ADGRG5: variants seen among roughly 807,000 people sequenced by gnomAD.
ADGRG5 encodes adhesion G protein-coupled receptor G5, also known as G protein-coupled receptor 114.
A neutral mutation model predicts 53.2 loss-of-function variants in ADGRG5; 37 were observed. That is an observed-to-expected ratio of 0.70 (90% confidence interval 0.53 to 0.91). The LOEUF is 0.91. ADGRG5 is among the 40% of genes least tolerant of loss of function. The pLI, the probability that ADGRG5 is intolerant of heterozygous loss-of-function variation, is 0.00. For synonymous variants in ADGRG5, 277 were observed against 290.4 expected (o/e 0.95, Z 0.47); for missense variants, 614 against 675.8 (o/e 0.91, Z 1.01).
At chr16:57,540,433 T>C (rs540782289), upstream of ADGRG5, among the ~76,000 whole-genome samples, 6 of 152,248 alleles carry the variant, frequency 3.9e-5, no homozygotes, top group Admixed American at 6.5e-5. Flanking sequence ...GTAGCCCCCA[T>C]ATAGGGAGAC....
At chr16:57,563,025 A>C in intron 3 of ADGRG5, 66 bp from the exon 4 acceptor site, 2 of 1,568,910 alleles carry the variant, frequency 1.3e-6, no homozygotes, top group Non-Finnish European at 1.7e-6. Context: ...CAGGCTGTCT[A>C]CAGCCCCCTC....
chr16:57,575,789 C>G lies in ADGRG5; in HGVS notation c.*251C>G. 2.1e-6 allele frequency: 1 copy of G among 484,330 alleles called. No homozygotes were observed. Among genetic ancestry groups the G allele is most frequent in the Non-Finnish European group, 3.8e-6 (1 of 264,624 alleles). The allele number at this position is 484,330 out of a possible 1,614,324, so 30.0% of individuals were successfully genotyped here. ...GCAAACTTTGTCCTGGTACCTGGGC[C>G]CAGCTCGCCAGGGATGTGGGCAGAG... On this transcript the variant is annotated 3_prime_UTR_variant, in exon 12 of 12. Coordinates refer to ENST00000349457, the MANE Select transcript of ADGRG5 (RefSeq NM_001304376.3).
intron 10 of ADGRG5, among the ~76,000 whole-genome samples, chr16:57,572,729 T>C (rs1489409600): frequency 1.3e-5 from 2 of 152,204 alleles, no homozygotes; most frequent in African/African-American, 4.8e-5. Context: ...TTGAAAATCA[T>C]TCAGATGTCC....
At chr16:57,552,126 A>G (rs2032771318) in intron 1 of ADGRG5, among the ~76,000 whole-genome samples, 3 of 151,822 alleles carry the variant, frequency 2.0e-5, no homozygotes, top group African/African-American at 7.3e-5. Flanking sequence ...TTGTTATTCC[A>G]TTTGTAGAGC....
At chr16:57,531,282 A>T in the ADGRG5 span, among the ~76,000 whole-genome samples, 1 of 148,344 alleles carries the variant, frequency 6.7e-6, no homozygotes, top group Non-Finnish European at 1.5e-5. Context: ...GCACTTCCTC[A>T]CTCCTTCCAG....
intron 10 of ADGRG5, among the ~76,000 whole-genome samples, chr16:57,573,417 A>G (rs996549817): frequency 7.1e-6 from 1 of 140,630 alleles, no homozygotes; most frequent in Non-Finnish European, 1.5e-5. Context: ...CTGGTGACAG[A>G]GACTCCCTCT....
rs757724329 is a variant in ADGRG5, at chr16:57,563,264, TG to T, written c.297+23del. The stretch of plus-strand genomic sequence containing the variant: ...GTGCCCCAGGTCAGAGGCTGCGGGT[TG>T]GGGGGTGTGGCCAGCTGCCCCGCCC... On this transcript the variant is annotated intron_variant, in intron 4 of 11. Coordinates refer to ENST00000349457, the MANE Select transcript of ADGRG5 (RefSeq NM_001304376.3). 69 of 1,611,428 alleles carry T rather than the reference TG, an allele frequency of 4.3e-5. No individual in the cohort carries two copies. Among genetic ancestry groups the T allele is most frequent in the Non-Finnish European group, 5.3e-5 (62 of 1,179,048 alleles).
intron 9 of ADGRG5, among the ~76,000 whole-genome samples, chr16:57,569,214 T>C (rs374509845): frequency 7.8e-3 from 374 of 47,674 alleles, no homozygotes; most frequent in Middle Eastern, 0.023. Context: ...CCTCCTCCAC[T>C]TCCTTCACCA....
the ADGRG5 span, among the ~76,000 whole-genome samples, chr16:57,536,793 A>C: frequency 6.6e-5 from 10 of 151,900 alleles, no homozygotes; most frequent in Non-Finnish European, 1.3e-4. Flanking sequence ...CCGTACCCCA[A>C]CGGAGGCCCC....
chr16:57,575,729 T>C lies in ADGRG5; in HGVS notation c.*191T>C. 1.7e-6 allele frequency: 1 copy of C among 572,044 alleles called. No individual in the cohort carries two copies. The allele number at this position is 572,044 out of a possible 1,614,324, so 35.4% of individuals were successfully genotyped here. On this transcript the variant is annotated 3_prime_UTR_variant, in exon 12 of 12. Coordinates refer to ENST00000349457, the MANE Select transcript of ADGRG5 (RefSeq NM_001304376.3). ...GCATTGCTCTACCTCTCCCTGACAT[T>C]TTGCTCCGGGGCAGATCCAACCTTA...
intron 9 of ADGRG5, among the ~76,000 whole-genome samples, 156 bp from the exon 10 acceptor site, chr16:57,570,262 C>T (rs1439713020): frequency 2.0e-5 from 3 of 152,200 alleles, no homozygotes; most frequent in Non-Finnish European, 4.4e-5. Context: ...TCCTCCAAAC[C>T]ACCAGGCTCA....
At chr16:57,546,509 AT>A (rs1386164339) in intron 1 of ADGRG5, among the ~76,000 whole-genome samples, 1 of 152,212 alleles carries the variant, frequency 6.6e-6, no homozygotes, top group Non-Finnish European at 1.5e-5. Context: ...GCTCTTGTCT[AT>A]TGTACATATA....
intron 9 of ADGRG5, among the ~76,000 whole-genome samples, chr16:57,568,685 CCACCTCCAT>C (rs1275217287): frequency 2.0e-5 from 3 of 151,234 alleles, no homozygotes; most frequent in Non-Finnish European, 4.4e-5. Context: ...ACCACCTCCT[CCACCTCCAT>C]CACCTCCATC....
chr16:57,565,604 C>T (rs71387174), intron 6 of ADGRG5: 1 of 208,214 alleles, frequency 4.8e-6, no homozygotes, highest in Non-Finnish European at 9.5e-6. Context: ...CACCCACAAC[C>T]TGCCCCAGTG....
chr16:57,540,740 T>G (rs2032477303), upstream of ADGRG5, among the ~76,000 whole-genome samples: 1 of 152,090 alleles, frequency 6.6e-6, no homozygotes, highest in African/African-American at 2.4e-5. Flanking sequence ...GCAATGGAAG[T>G]TGGACGGGGT....
the ADGRG5 span, among the ~76,000 whole-genome samples, chr16:57,531,870 A>G: frequency 1.4e-4 from 21 of 151,478 alleles, no homozygotes; most frequent in Admixed American, 9.8e-4. Flanking sequence ...ACCTTCAACT[A>G]TGGAGCCAGG....
upstream of ADGRG5, among the ~76,000 whole-genome samples, chr16:57,537,858 G>T (rs116735774): frequency 2.0e-5 from 3 of 152,168 alleles, no homozygotes; most frequent in Admixed American, 6.5e-5. Flanking sequence ...ACCAGCCAGA[G>T]ATAGATAGGA....
chr16:57,557,201 C>T (rs2146781651), intron 1 of ADGRG5, among the ~76,000 whole-genome samples: 1 of 152,286 alleles, frequency 6.6e-6, no homozygotes, highest in East Asian at 1.9e-4. Context: ...TGAGCCACTG[C>T]ACCCGACCTT....
chr16:57,540,556 GA>G (rs1250379495), upstream of ADGRG5, among the ~76,000 whole-genome samples: 2 of 152,116 alleles, frequency 1.3e-5, no homozygotes, highest in Non-Finnish European at 2.9e-5. Context: ...AGGAGGCAGA[GA>G]AGCCTTCCTG....
Sources: gnomAD v4.1 joint callset for allele counts (sites outside exome capture counted in the v4.1 genomes callset) on GRCh38, gnomAD v4.1.1 for gene constraint, MANE v1.5 for transcripts, NCBI Gene and HGNC (gene_info 2026-07-23, HGNC 2026-07-21) for gene names.